The following PNPT1 variants were observed in gnomAD, a reference collection of about 807,000 sequenced individuals.
PNPT1 encodes the protein polyribonucleotide nucleotidyltransferase 1, mitochondrial.
Under a neutral mutation model 119.5 loss-of-function variants are expected in PNPT1, and 53 were observed. That is an observed-to-expected ratio of 0.44 (90% CI 0.36 to 0.56). The LOEUF (loss-of-function observed/expected upper bound fraction) is 0.56, where lower values mean the gene tolerates loss of function less well. Among genes scored for constraint, PNPT1 ranks in the 20% least tolerant of loss-of-function variants. PNPT1 has a pLI of 0.00. For synonymous variants in PNPT1, 357 were observed against 322.1 expected (o/e 1.11, Z -1.16); for missense variants, 948 against 938.5 (o/e 1.01, Z -0.13).
Position 55,680,726 on chromosome 2 carries a change from C to T in PNPT1, c.551G>A (p.Trp184Ter). The T allele has an allele frequency of 6.2e-7, 1 of 1,613,032 alleles. No homozygotes were observed. Among genetic ancestry groups the T allele is most frequent in the Non-Finnish European group, 8.5e-7 (1 of 1,179,674 alleles). ...TCCTAACTTACCAACAGGTCCATTCCAAGGAATATCTGATAATGAGAGGGC... is the reference window on the plus strand; with the variant it reads ...TCCTAACTTACCAACAGGTCCATTCTAAGGAATATCTGATAATGAGAGGGC... ...SVALSLSDIPWNGPVGAVRIG... is the reference protein window; with the variant it reads ...SVALSLSDIP Residue 184 changes from tryptophan (W) to a stop codon, truncating the protein, a stop_gained, in exon 7 of 28, where the codon TGG becomes TAG. Transcript: ENST00000447944. LOFTEE classifies it high-confidence loss of function.
chr2:55,672,495 C>G (rs1696945524), intron 9 of PNPT1, among the ~76,000 whole-genome samples: 1 of 152,162 alleles, frequency 6.6e-6, no homozygotes, highest in South Asian at 2.1e-4. Context: ...TCCAGTGATT[C>G]ATTTACATTT....
At position 55,647,342 on chromosome 2, in the gene PNPT1, C is replaced by T; in HGVS notation, c.1602+5G>A. 1 of 1,590,622 alleles carries T rather than the reference C, an allele frequency of 6.3e-7. No individual in the cohort carries two copies. Among genetic ancestry groups the T allele is most frequent in the Non-Finnish European group, 8.6e-7 (1 of 1,168,150 alleles). ...TTAAATATTTGAAACCGAGAATATA[C>T]TTGCCAAAATATCTGTCAGCAAACG... On this transcript the variant is annotated splice_donor_5th_base_variant and intron_variant, in intron 19 of 27. Coordinates refer to ENST00000447944, the MANE Select transcript of PNPT1 (RefSeq NM_033109.5).
At chr2:55,671,805 C>T (rs548017302) in intron 10 of PNPT1, among the ~76,000 whole-genome samples, 190 bp downstream of exon 10, 17 of 152,164 alleles carry the variant, frequency 1.1e-4, no homozygotes, top group East Asian at 7.7e-4. Context: ...CCAGCCTGGG[C>T]GACAGAGAGA....
At chr2:55,646,637 C>T in intron 19 of PNPT1, 151 bp from the exon 20 acceptor site, 1 of 603,516 alleles carries the variant, frequency 1.7e-6, no homozygotes, top group East Asian at 2.9e-5. Context: ...CTACCACTTC[C>T]AATTTGTGAC....
In PNPT1 at chr2:55,684,902, G is replaced by A. The variant is rs771785188; in HGVS notation, c.403+41C>T. On this transcript the variant is annotated intron_variant, in intron 4 of 27. Transcript: ENST00000447944. ...TGCAAGAGAAGAGATGCTAACATAGGCATACCAGAGAAGATGAACGCCTCT... is the reference window on the plus strand; with the variant it reads ...TGCAAGAGAAGAGATGCTAACATAGACATACCAGAGAAGATGAACGCCTCT... 1.4e-5 allele frequency: 20 copies of A among 1,462,324 alleles called. No individual in the cohort carries two copies. In the South Asian group the frequency reaches 2.6e-4, roughly 19 times the overall value. The allele number at this position is 1,462,324 out of a possible 1,614,324, so 90.6% of individuals were successfully genotyped here.
chr2:55,677,205 G>C (rs1475648979), intron 8 of PNPT1, among the ~76,000 whole-genome samples: 2 of 152,176 alleles, frequency 1.3e-5, no homozygotes, highest in Non-Finnish European at 2.9e-5. Flanking sequence ...ATGCGCTCTA[G>C]AGTCTCATTC....
intron 13 of PNPT1, among the ~76,000 whole-genome samples, chr2:55,663,018 G>C (rs1696626701): frequency 6.6e-6 from 1 of 151,910 alleles, no homozygotes; most frequent in Non-Finnish European, 1.5e-5. Flanking sequence ...GTAAGTAGCT[G>C]GGACTACAGG....
chr2:55,671,203 C>T (rs1259390588), intron 11 of PNPT1, 116 bp downstream of exon 11: 3 of 487,472 alleles, frequency 6.2e-6, no homozygotes, highest in Admixed American at 4.3e-5. Context: ...TTCTTCTTTT[C>T]CTACAGATGT....
chr2:55,642,700 G>A (rs1695872405), intron 25 of PNPT1, among the ~76,000 whole-genome samples: 1 of 147,070 alleles, frequency 6.8e-6, no homozygotes, highest in African/African-American at 2.5e-5. Flanking sequence ...AAATGATATA[G>A]AAAACAAAAT....
intron 10 of PNPT1, 77 bp from the exon 11 acceptor site, chr2:55,671,453 T>C (rs1355505821): frequency 1.2e-5 from 10 of 850,378 alleles, no homozygotes; most frequent in South Asian, 1.0e-4. Context: ...TATTATACAA[T>C]GAACACATTG....
intron 18 of PNPT1, 69 bp from the exon 19 acceptor site, chr2:55,647,522 ATTT>A (rs764398532): frequency 4.0e-4 from 380 of 944,358 alleles, no homozygotes; most frequent in South Asian, 7.6e-4. Flanking sequence ...TTATCTATCA[ATTT>A]TTTTTTTTTT....
At chr2:55,651,885 C>CAAAA in intron 18 of PNPT1, among the ~76,000 whole-genome samples, 117 of 119,700 alleles carry the variant, frequency 9.8e-4, no homozygotes, top group South Asian at 1.4e-3. Context: ...AAAGGAAAGT[C>CAAAA]AAAAAAAAAA....
In PNPT1 at chr2:55,656,120, C is replaced by G; in HGVS notation, c.1441+11G>C. On this transcript the variant is annotated intron_variant, in intron 17 of 27. Transcript: ENST00000447944. ...CTTTTCTACTATGAAAGAAGTATTT[C>G]AATACCATACCATTTGACTCTAGGA... 1 of 1,608,024 alleles carries G rather than the reference C, an allele frequency of 6.2e-7. No individual in the cohort carries two copies. The highest frequency in any genetic ancestry group is 8.5e-7 in the Non-Finnish European group (1 of 1,178,010).
intron 8 of PNPT1, among the ~76,000 whole-genome samples, chr2:55,676,711 A>T (rs527410570): frequency 3.3e-5 from 5 of 151,892 alleles, no homozygotes; most frequent in Non-Finnish European, 5.9e-5. Context: ...AAAACACAAA[A>T]ATTAGCCAGG....
chr2:55,669,234 G>C (rs1049014886), intron 11 of PNPT1, among the ~76,000 whole-genome samples: 2 of 152,114 alleles, frequency 1.3e-5, no homozygotes, highest in African/African-American at 4.8e-5. Context: ...GACCACACAG[G>C]TAGTAACTGA....
intron 8 of PNPT1, among the ~76,000 whole-genome samples, chr2:55,677,596 CAAA>C (rs70954146): frequency 0.054 from 1,779 of 32,904 alleles, 1 homozygote; most frequent in South Asian, 0.14. Flanking sequence ...GACTATGTCT[CAAA>C]AAAAAAAAAA....
Position 55,635,291 on chromosome 2 carries a change from C to T in PNPT1, c.*946G>A, listed in dbSNP as rs1227222670. ...GAGCAATACACATATTCAAATTGAC[C>T]TAGTTCAATTTGATAAGTAAACAAT... On this transcript the variant is annotated 3_prime_UTR_variant, in exon 28 of 28. Coordinates refer to ENST00000447944, the MANE Select transcript of PNPT1 (RefSeq NM_033109.5). The T allele has an allele frequency of 6.7e-6, 1 of 149,968 alleles. No homozygotes were observed. Among genetic ancestry groups the T allele is most frequent in the Non-Finnish European group, 1.5e-5 (1 of 67,840 alleles). 9.3% of individuals were successfully genotyped at this position (149,968 alleles called of 1,614,324 possible). A position where few individuals can be genotyped will look rare whatever the true frequency, so the allele number is the denominator to read the frequency against.
intron 27 of PNPT1, among the ~76,000 whole-genome samples, chr2:55,636,868 TG>T (rs1695690420): frequency 2.8e-5 from 3 of 106,166 alleles, no homozygotes; most frequent in African/African-American, 8.5e-5. Context: ...CCTTCTGATG[TG>T]AAAACAACAA....
At chr2:55,683,675 C>G in intron 5 of PNPT1, 110 bp downstream of exon 5, 1 of 833,492 alleles carries the variant, frequency 1.2e-6, no homozygotes, top group Non-Finnish European at 1.8e-6. Flanking sequence ...ATAACAGTAT[C>G]ATAAAAAATT....
Sources: gnomAD v4.1 joint callset for allele counts (sites outside exome capture counted in the v4.1 genomes callset) on GRCh38, gnomAD v4.1.1 for gene constraint, MANE v1.5 for transcripts, NCBI Gene and HGNC (gene_info 2026-07-23, HGNC 2026-07-21) for gene names.